The following RAI14 variants were observed in gnomAD, a reference collection of about 807,000 sequenced individuals.
The protein encoded by RAI14 is retinoic acid induced 14.
Under a neutral mutation model 115.4 loss-of-function variants are expected in RAI14, and 45 were observed. That is an observed-to-expected ratio of 0.39 (90% CI 0.31 to 0.50). The LOEUF (loss-of-function observed/expected upper bound fraction) is 0.50, where lower values mean the gene tolerates loss of function less well. Ranked by LOEUF, RAI14 falls within the 20% of genes least tolerant of loss-of-function variation. The pLI is 0.85. For missense variants in RAI14, 939 were observed against 1,131.2 expected (o/e 0.83, Z 2.44); for synonymous variants, 371 against 415.4 (o/e 0.89, Z 1.30).
intron 2 of RAI14, 157 bp from the exon 3 acceptor site, chr5:34,757,311 C>A (rs1748017222): frequency 2.4e-6 from 2 of 830,094 alleles, no homozygotes; most frequent in Non-Finnish European, 4.0e-6. Flanking sequence ...TGGGTGTCTC[C>A]ATGGTGAAGG....
rs998736374 is a variant in RAI14, at chr5:34,700,211, C to T, written c.36+13256C>T. Reference sequence around the variant, plus strand: ...TTGTGAAGGTTTGGTGCACAGTTTTCCCCTGGGTGGTGGTTTCTGATGCTG... The same window carrying T: ...TTGTGAAGGTTTGGTGCACAGTTTTTCCCTGGGTGGTGGTTTCTGATGCTG... On this transcript the variant is annotated intron_variant, in intron 2 of 17. Transcript: ENST00000265109. Among the ~76,000 whole-genome samples, 2 of 152,242 alleles carry T rather than the reference C, an allele frequency of 1.3e-5. 1 individual carries two copies. The highest frequency in any genetic ancestry group is 4.2e-4 in the South Asian group (2 of 4,816).
At chr5:34,669,661 A>G (rs1190536315) in intron 1 of RAI14, among the ~76,000 whole-genome samples, 1 of 152,146 alleles carries the variant, frequency 6.6e-6, no homozygotes, top group African/African-American at 2.4e-5. Flanking sequence ...TCAGGATTCC[A>G]TTTGTATAAT....
chr5:34,742,043 A>T (rs1745581510), intron 2 of RAI14, among the ~76,000 whole-genome samples: 1 of 152,200 alleles, frequency 6.6e-6, no homozygotes, highest in South Asian at 2.1e-4. Context: ...AGGATTGGCC[A>T]TAGGGATGGA....
intron 1 of RAI14, among the ~76,000 whole-genome samples, chr5:34,680,562 T>C (rs902180131): frequency 2.0e-5 from 3 of 152,224 alleles, no homozygotes; most frequent in Non-Finnish European, 4.4e-5. Context: ...CATGAACTTC[T>C]GGAGGACACA....
Position 34,664,156 on chromosome 5 carries a change from T to C in RAI14, c.-49+7681T>C, listed in dbSNP as rs535488629. 8.5e-3 allele frequency among the ~76,000 whole-genome samples: 1,300 copies of C among 152,162 alleles called. 17 individuals are homozygous for C. Among genetic ancestry groups the C allele is most frequent in the African/African-American group, 0.029 (1,208 of 41,516 alleles). On this transcript the variant is annotated intron_variant, in intron 1 of 17. Transcript: ENST00000265109. ...GTACAGTGGAAGGAAATACATGGGC[T>C]CTTTTTTTTTCTTTCCTTATTTATT...
Position 34,695,419 on chromosome 5 carries a change from C to T in RAI14, c.36+8464C>T, listed in dbSNP as rs7733822. Among the ~76,000 whole-genome samples the T allele has an allele frequency of 7.2e-5, 11 of 152,088 alleles. 1 individual carries two copies. On this transcript the variant is annotated intron_variant, in intron 2 of 17. Transcript: ENST00000265109. Reference sequence around the variant, plus strand: ...GCTCCATAGATTAACCCAGGAACCCCAGCCTTTCTCTGGCGTCCTCTGTTA... The same window carrying T: ...GCTCCATAGATTAACCCAGGAACCCTAGCCTTTCTCTGGCGTCCTCTGTTA...
intron 2 of RAI14, chr5:34,728,539 G>A (rs938084792): frequency 6.6e-6 from 1 of 152,108 alleles, no homozygotes; most frequent in Non-Finnish European, 1.5e-5. Context: ...AAGATCTCAT[G>A]GTTTTATAAA....
intron 2 of RAI14, among the ~76,000 whole-genome samples, chr5:34,755,625 A>G (rs1747785066): frequency 2.0e-5 from 3 of 152,214 alleles, no homozygotes; most frequent in Admixed American, 1.3e-4. Context: ...ACTCAATGCC[A>G]GTAGCACTCT....
chr5:34,744,683 C>T (rs1745943211), intron 2 of RAI14, among the ~76,000 whole-genome samples: 1 of 152,186 alleles, frequency 6.6e-6, no homozygotes, highest in African/African-American at 2.4e-5. Flanking sequence ...TTTTCTTTGC[C>T]TCAGTTTTCT....
At chr5:34,724,041 A>G (rs1016936409) in intron 2 of RAI14, among the ~76,000 whole-genome samples, 86 of 152,170 alleles carry the variant, frequency 5.7e-4, no homozygotes, top group African/African-American at 1.9e-3. Flanking sequence ...TTTGAGACGG[A>G]GTTTTCACTC....
intron 2 of RAI14, among the ~76,000 whole-genome samples, chr5:34,746,103 C>CCTTTTTTTTT (rs1561303365): frequency 9.2e-6 from 1 of 108,988 alleles, no homozygotes; most frequent in Non-Finnish European, 1.9e-5. Flanking sequence ...CCCCCCCCGC[C>CCTTTTTTTTT]TTTTTTTTTT....
At chr5:34,814,726 G>C in intron 12 of RAI14, 57 bp downstream of exon 12, 1 of 1,341,850 alleles carries the variant, frequency 7.5e-7, no homozygotes, top group Non-Finnish European at 1.1e-6. Flanking sequence ...TGATAGACTT[G>C]CTTTAAGTTA....
intron 7 of RAI14, 103 bp from the exon 8 acceptor site, chr5:34,810,909 G>C (rs1412618517): frequency 6.5e-7 from 1 of 1,549,420 alleles, no homozygotes; most frequent in Non-Finnish European, 8.8e-7. Flanking sequence ...TCAGCAGTCA[G>C]CAGTCCAAGT....
intron 3 of RAI14, among the ~76,000 whole-genome samples, chr5:34,795,400 A>C (rs765860674): frequency 2.0e-5 from 3 of 152,242 alleles, no homozygotes; most frequent in Non-Finnish European, 2.9e-5. Flanking sequence ...CTTGACCCAC[A>C]TTAGGCACTT....
At chr5:34,824,512 GT>G (rs778655839) in intron 15 of RAI14, 21 bp downstream of exon 15, 4 of 1,521,318 alleles carry the variant, frequency 2.6e-6, no homozygotes, top group East Asian at 4.6e-5. Context: ...CTGTATTGCT[GT>G]TGGGTTTCTA....
At chr5:34,679,875 A>G (rs1196148991) in intron 1 of RAI14, among the ~76,000 whole-genome samples, 2 of 152,152 alleles carry the variant, frequency 1.3e-5, no homozygotes, top group African/African-American at 2.4e-5. Flanking sequence ...AACCCGTGTC[A>G]GAGAGCTCAC....
intron 1 of RAI14, among the ~76,000 whole-genome samples, chr5:34,679,691 C>T (rs1433427514): frequency 6.6e-6 from 1 of 151,892 alleles, no homozygotes; most frequent in Non-Finnish European, 1.5e-5. Flanking sequence ...GGATGCTGCA[C>T]AAGGACAGCA....
chr5:34,732,522 T>G (rs140480611), intron 2 of RAI14, among the ~76,000 whole-genome samples: 1 of 149,418 alleles, frequency 6.7e-6, no homozygotes, highest in East Asian at 2.0e-4. Flanking sequence ...CACTGCACCC[T>G]CTGCCTCCCG....
intron 1 of RAI14, among the ~76,000 whole-genome samples, chr5:34,680,243 A>G (rs1041420061): frequency 2.6e-5 from 4 of 152,198 alleles, no homozygotes; most frequent in Non-Finnish European, 5.9e-5. Context: ...TTCTGTTGCT[A>G]TAACAGAGTA....
Sources: gnomAD v4.1 joint callset for allele counts (sites outside exome capture counted in the v4.1 genomes callset) on GRCh38, gnomAD v4.1.1 for gene constraint, MANE v1.5 for transcripts, NCBI Gene and HGNC (gene_info 2026-07-23, HGNC 2026-07-21) for gene names.